The following FRMD3 variants were observed in gnomAD, a reference collection of about 807,000 sequenced individuals.
FRMD3 encodes the protein FERM domain-containing protein 3.
FRMD3 carries 33 observed loss-of-function variants against 70.2 expected under a neutral mutation model. The observed-to-expected ratio is 0.47, with a 90% CI of 0.36 to 0.63. The LOEUF (loss-of-function observed/expected upper bound fraction) is 0.63, where lower values mean the gene tolerates loss of function less well. FRMD3 is among the 20% of genes least tolerant of loss of function. The pLI is 0.00. For missense variants in FRMD3, 632 were observed against 711.4 expected (o/e 0.89, Z 1.27); for synonymous variants, 279 against 255.9 (o/e 1.09, Z -0.86).
intron 1 of FRMD3, among the ~76,000 whole-genome samples, chr9:83,407,917 CCCTCCCCTTTCTCTT>C (rs1826170703): frequency 1.4e-5 from 2 of 143,198 alleles, no homozygotes; most frequent in Non-Finnish European, 3.0e-5. Flanking sequence ...CTTTCTCTCT[CCCTCCCCTTTCTCTT>C]TCTCTTTCTC....
chr9:83,388,254 C>T (rs748220763), intron 2 of FRMD3, among the ~76,000 whole-genome samples: 12 of 152,196 alleles, frequency 7.9e-5, no homozygotes, highest in Non-Finnish European at 1.5e-4. Context: ...CTGTGAGCCT[C>T]TCCTCATGGT....
chr9:83,538,365 G>T lies in FRMD3; in HGVS notation c.-134C>A. 1.3e-6 allele frequency: 1 copy of T among 775,794 alleles called. No individual in the cohort carries two copies. The highest frequency in any genetic ancestry group is 3.4e-5 in the East Asian group (1 of 29,172). 48.1% of individuals were successfully genotyped at this position (775,794 alleles called of 1,614,324 possible). On this transcript the variant is annotated 5_prime_UTR_variant, in exon 1 of 14. Transcript: ENST00000304195. The surrounding 1 kb of genome is among the most constrained non-coding windows in gnomAD (Gnocchi z 4.7). The stretch of plus-strand genomic sequence containing the variant: ...CCCCGGGACATCGGCAGCGTCGGGC[G>T]CCTGCGGACACACATGCCCAGCGGC...
At chr9:83,426,181 G>A (rs868715665) in intron 1 of FRMD3, among the ~76,000 whole-genome samples, 32 of 152,196 alleles carry the variant, frequency 2.1e-4, no homozygotes, top group Non-Finnish European at 3.7e-4. Flanking sequence ...AAGGTCTACT[G>A]CATGGTATTA....
the FRMD3 span, among the ~76,000 whole-genome samples, chr9:83,564,680 T>A: frequency 6.6e-6 from 1 of 152,242 alleles, no homozygotes; most frequent in Non-Finnish European, 1.5e-5. Context: ...GGGAGACATA[T>A]GCCCACATGT....
At chr9:83,349,657 C>T in intron 4 of FRMD3, 22 bp downstream of exon 4, 1 of 1,573,538 alleles carries the variant, frequency 6.4e-7, no homozygotes, top group Non-Finnish European at 8.7e-7. Flanking sequence ...GCACGTTAAA[C>T]ATACAAACAA....
intron 13 of FRMD3, among the ~76,000 whole-genome samples, chr9:83,282,407 A>G (rs1563992554): frequency 6.6e-6 from 1 of 152,212 alleles, no homozygotes; most frequent in East Asian, 1.9e-4. Flanking sequence ...TGGGCCCGCC[A>G]CAGGCTATAT....
chr9:83,369,874 T>C (rs572056586), intron 3 of FRMD3, among the ~76,000 whole-genome samples: 2 of 152,294 alleles, frequency 1.3e-5, no homozygotes, highest in East Asian at 3.9e-4. Flanking sequence ...GAGCTTGATA[T>C]AGAGGGAGGA....
intron 1 of FRMD3, among the ~76,000 whole-genome samples, chr9:83,416,384 T>C (rs931450597): frequency 6.6e-6 from 1 of 152,250 alleles, no homozygotes; most frequent in African/African-American, 2.4e-5. Flanking sequence ...CTCTGTATTA[T>C]GGCACAAATC....
At chr9:83,444,493 C>T (rs1311753738) in intron 1 of FRMD3, among the ~76,000 whole-genome samples, 1 of 152,154 alleles carries the variant, frequency 6.6e-6, no homozygotes, top group African/African-American at 2.4e-5. Flanking sequence ...GTGCTATCTT[C>T]GGAGTTTCCT....
At position 83,244,970 on chromosome 9, in the gene FRMD3, A is replaced by ATG. The variant is rs530057588; in HGVS notation, c.*2946_*2947dup. ...TTGTGTGTGTATATGTATTTGCCATATGTGTGTGTGTATTATATATATTTA... is the reference window on the plus strand; with the variant it reads ...TTGTGTGTGTATATGTATTTGCCATATGTGTGTGTGTGTATTATATATATTTA... On this transcript the variant is annotated 3_prime_UTR_variant, in exon 14 of 14. Coordinates refer to ENST00000304195, the MANE Select transcript of FRMD3 (RefSeq NM_174938.6). 278 of 980,124 alleles carry ATG rather than the reference A, an allele frequency of 2.8e-4. 1 individual carries two copies. In the African/African-American group the frequency reaches 3.8e-3, roughly 14 times the overall value. The allele number at this position is 980,124 out of a possible 1,614,324, so 60.7% of individuals were successfully genotyped here.
intron 13 of FRMD3, among the ~76,000 whole-genome samples, chr9:83,273,027 A>ACG (rs1833655948): frequency 1.4e-5 from 2 of 147,154 alleles, no homozygotes; most frequent in Admixed American, 1.3e-4. Context: ...GCCCCCACCC[A>ACG]GCCAGCTGCC....
chr9:83,524,619 G>A (rs954014277), intron 1 of FRMD3, among the ~76,000 whole-genome samples: 2 of 151,932 alleles, frequency 1.3e-5, no homozygotes, highest in Non-Finnish European at 2.9e-5. Flanking sequence ...AAATAATGGT[G>A]GTATTTAGTG....
intron 1 of FRMD3, among the ~76,000 whole-genome samples, chr9:83,425,561 G>A (rs1425499344): frequency 2.0e-5 from 3 of 152,130 alleles, no homozygotes; most frequent in Non-Finnish European, 2.9e-5. Flanking sequence ...TTCTCTGAAA[G>A]GAGAGGAAGC....
the FRMD3 span, among the ~76,000 whole-genome samples, chr9:83,567,581 C>T: frequency 1.3e-5 from 2 of 152,186 alleles, no homozygotes; most frequent in Non-Finnish European, 2.9e-5. Flanking sequence ...ATGCTTTTAA[C>T]AGCACCCAAG....
the FRMD3 span, among the ~76,000 whole-genome samples, chr9:83,560,377 C>T: frequency 2.2e-4 from 33 of 152,124 alleles, no homozygotes; most frequent in Non-Finnish European, 2.9e-5. Flanking sequence ...GAAGAACATG[C>T]CCCAAAGAGA....
At chr9:83,446,474 C>G (rs542174174) in intron 1 of FRMD3, among the ~76,000 whole-genome samples, 9 of 151,822 alleles carry the variant, frequency 5.9e-5, no homozygotes, top group African/African-American at 2.2e-4. Context: ...GGTGAAACCC[C>G]GTCTCTACTA....
intron 1 of FRMD3, among the ~76,000 whole-genome samples, chr9:83,391,563 A>T (rs1394985445): frequency 6.6e-6 from 1 of 152,218 alleles, no homozygotes; most frequent in African/African-American, 2.4e-5. Flanking sequence ...TTGATTGTTC[A>T]TGACAGATAC....
At chr9:83,446,634 A>G (rs529451173) in intron 1 of FRMD3, among the ~76,000 whole-genome samples, 42 of 143,072 alleles carry the variant, frequency 2.9e-4, no homozygotes, top group South Asian at 4.9e-4. Flanking sequence ...GCGACAGAGC[A>G]AGACTCGGTC....
chr9:83,356,582 T>A (rs1461176265), intron 3 of FRMD3, among the ~76,000 whole-genome samples: 1 of 144,526 alleles, frequency 6.9e-6, no homozygotes, highest in Non-Finnish European at 1.5e-5. Flanking sequence ...GGCCAGCAGC[T>A]TTTTTTTTTT....
Sources: gnomAD v4.1 joint callset for allele counts (sites outside exome capture counted in the v4.1 genomes callset) on GRCh38, gnomAD v4.1.1 for gene constraint, Gnocchi (gnomAD v3.1) non-coding constraint, MANE v1.5 for transcripts, NCBI Gene and HGNC (gene_info 2026-07-23, HGNC 2026-07-21) for gene names.